MDN1: variants seen among roughly 807,000 people sequenced by gnomAD.
The protein encoded by MDN1 is midasin.
Under a neutral mutation model 669.2 loss-of-function variants are expected in MDN1, and 266 were observed. That is an observed-to-expected ratio of 0.40 (90% CI 0.36 to 0.44). The LOEUF (loss-of-function observed/expected upper bound fraction) is 0.44. MDN1 is among the 20% of genes least tolerant of loss of function. The probability of loss-of-function intolerance (pLI) is 1.00; values close to 1 mark genes in which losing one functional copy is unlikely to be tolerated. For synonymous variants in MDN1, 2,385 were observed against 2,457.1 expected (o/e 0.97, Z 0.87); for missense variants, 5,940 against 6,754.0 (o/e 0.88, Z 4.22).
rs749796260 is a variant in MDN1 at position 89,654,281 on chromosome 6, C to T, written c.15544G>A (p.Glu5182Lys). Reference sequence around the variant, plus strand: ...AGGGTGTCCTCTATCTCCTCCTCTTCCTGATCTTTGCCAGAGTCTTTTGCA... The same window carrying T: ...AGGGTGTCCTCTATCTCCTCCTCTTTCTGATCTTTGCCAGAGTCTTTTGCA... ...QSAKDSGKDQ[E>K]EEEIEDTLMD... The change falls in exon 93 of 102, where the codon GAA (glutamate) becomes AAA (lysine). Residue 5182 changes from glutamate (E) to lysine (K), a missense_variant. Transcript: ENST00000369393. The T allele has an allele frequency of 1.1e-5, 17 of 1,614,114 alleles. No homozygotes were observed. The African/African-American group carries it at 1.5e-4, about 14-fold the overall frequency.
intron 2 of MDN1, among the ~76,000 whole-genome samples, chr6:89,796,003 A>G (rs1056506832): frequency 7.9e-5 from 12 of 151,860 alleles, no homozygotes; most frequent in African/African-American, 2.9e-4. Flanking sequence ...TATATAACCA[A>G]TGCCATGGAA....
At position 89,780,888 on chromosome 6, in the gene MDN1, A is replaced by G. The variant is rs1436606756; in HGVS notation, c.1643+511T>C. On this transcript the variant is annotated intron_variant, in intron 10 of 101. Coordinates refer to ENST00000369393, the MANE Select transcript of MDN1 (RefSeq NM_014611.3). ...ATGGTCTCGAACTCCTGATCTCATG[A>G]TCCGCCCACCTCGGCCTCCCAAAGT... Among the ~76,000 whole-genome samples the G allele has an allele frequency of 2.0e-5, 3 of 150,986 alleles. No homozygotes were observed. In the East Asian group the frequency reaches 5.9e-4, roughly 30 times the overall value.
At position 89,687,189 on chromosome 6, in the gene MDN1, A is replaced by C. The variant is rs139052648; in HGVS notation, c.11450+155T>G. ...ATATGCTGTTGTCTGGACTGTATTCAGGTCATTTTAATGCCCTACTTTTAA... is the reference window on the plus strand; with the variant it reads ...ATATGCTGTTGTCTGGACTGTATTCCGGTCATTTTAATGCCCTACTTTTAA... On this transcript the variant is annotated intron_variant, in intron 68 of 101. Transcript: ENST00000369393. 2.1e-4 allele frequency among the ~76,000 whole-genome samples: 32 copies of C among 152,282 alleles called. 1 individual carries two copies. In the East Asian group the frequency reaches 6.2e-3, roughly 29 times the overall value.
chr6:89,731,321 C>T (rs1258264267), intron 34 of MDN1, among the ~76,000 whole-genome samples: 4 of 152,120 alleles, frequency 2.6e-5, no homozygotes, highest in African/African-American at 9.7e-5. Context: ...TAAACATTGG[C>T]CAGTGCTTCT....
chr6:89,649,849 C>A (rs1347138715), intron 97 of MDN1, among the ~76,000 whole-genome samples, 175 bp downstream of exon 97: 1 of 152,146 alleles, frequency 6.6e-6, no homozygotes, highest in Non-Finnish European at 1.5e-5. Flanking sequence ...AATCTTAGGT[C>A]TTATCAAAGA....
At chr6:89,687,965 T>G (rs999234844) in intron 67 of MDN1, 113 bp downstream of exon 67, 17 of 971,518 alleles carry the variant, frequency 1.7e-5, no homozygotes, top group Middle Eastern at 2.5e-4. Flanking sequence ...CCAAGGATGT[T>G]TACCTTTTTC....
At chr6:89,663,529 T>C (rs1001137799) in intron 85 of MDN1, among the ~76,000 whole-genome samples, 9 of 152,178 alleles carry the variant, frequency 5.9e-5, no homozygotes, top group Non-Finnish European at 1.0e-4. Flanking sequence ...GGACAGAAAT[T>C]TGGGGCAAGG....
At chr6:89,807,269 TAC>T (rs1768083715) in intron 1 of MDN1, among the ~76,000 whole-genome samples, 1 of 152,120 alleles carries the variant, frequency 6.6e-6, no homozygotes, top group Admixed American at 6.6e-5. Context: ...GTATTTTTAC[TAC>T]AGTCAGGGTT....
chr6:89,742,863 G>T (rs1816364633), intron 31 of MDN1, among the ~76,000 whole-genome samples: 1 of 152,070 alleles, frequency 6.6e-6, no homozygotes, highest in Non-Finnish European at 1.5e-5. Flanking sequence ...AAAAAACCTA[G>T]AAATTTAGGA....
At chr6:89,778,430 G>A (rs937484129) in intron 11 of MDN1, among the ~76,000 whole-genome samples, 1 of 151,846 alleles carries the variant, frequency 6.6e-6, no homozygotes, top group Non-Finnish European at 1.5e-5. Flanking sequence ...TCAGTAATAA[G>A]CAGGAAAACT....
intron 19 of MDN1, 98 bp from the exon 20 acceptor site, chr6:89,756,488 T>A: frequency 1.7e-6 from 1 of 596,418 alleles, no homozygotes; most frequent in South Asian, 2.4e-5. Flanking sequence ...CAGCTCATTT[T>A]AACTGCTTGT....
rs975138526 is a variant in MDN1, at chr6:89,710,784, T to C, written c.7662A>G (p.Gln2554=). ...ATGCAGCACTGGCTTCCAAATGAAT[T>C]TGTATGGACTCTGTGGAGGAAGGAG... ...KNIPQGLESI[Q]IHLEASAASL... The change falls in exon 50 of 102, where the codon CAA becomes CAG. Residue 2554 remains glutamine, a synonymous_variant. Transcript: ENST00000369393. The C allele has an allele frequency of 5.6e-6, 9 of 1,595,714 alleles. No homozygotes were observed. The African/African-American group carries it at 9.5e-5, about 17-fold the overall frequency.
At chr6:89,774,396 T>C (rs1290309028) in intron 13 of MDN1, among the ~76,000 whole-genome samples, 1 of 152,246 alleles carries the variant, frequency 6.6e-6, no homozygotes, top group Admixed American at 6.5e-5. Flanking sequence ...CAATAATTCA[T>C]CTTTGGTAGT....
chr6:89,675,321 A>C (rs1811107266), intron 78 of MDN1, 143 bp downstream of exon 78: 1 of 670,250 alleles, frequency 1.5e-6, no homozygotes, highest in Non-Finnish European at 2.5e-6. Flanking sequence ...AGCTGGGAGA[A>C]ACCCTACCTG....
intron 2 of MDN1, among the ~76,000 whole-genome samples, chr6:89,801,425 G>A (rs1767652160): frequency 6.6e-6 from 1 of 152,120 alleles, no homozygotes; most frequent in Non-Finnish European, 1.5e-5. Context: ...GGTCGAGGTA[G>A]GCAGATCACG....
Position 89,819,591 on chromosome 6 carries a change from A to G in MDN1, c.17T>C (p.Leu6Pro). The G allele has an allele frequency of 6.2e-7, 1 of 1,601,908 alleles. No homozygotes were observed. Among genetic ancestry groups the G allele is most frequent in the Non-Finnish European group, 8.5e-7 (1 of 1,179,936 alleles). The stretch of plus-strand genomic sequence containing the variant: ...CCGCAGCGGCGCGGCTGCCACCTCC[A>G]GCAAGAAGTGCTCCATGACCCAGGG... MEHFL[L>P]EVAAAPLRLI... Residue 6 changes from leucine to proline, a missense_variant, in exon 1 of 102, where the codon CTG becomes CCG. By Grantham distance (98) the Leu-to-Pro change is moderately conservative (BLOSUM62 -3). Transcript: ENST00000369393.
intron 83 of MDN1, among the ~76,000 whole-genome samples, chr6:89,669,077 A>G (rs537852072): frequency 9.6e-4 from 146 of 152,392 alleles, no homozygotes; most frequent in Middle Eastern, 6.8e-3. Context: ...TTACCAGAGT[A>G]TATCATTGCA....
chr6:89,809,637 A>C (rs1768247335), intron 1 of MDN1, among the ~76,000 whole-genome samples: 1 of 151,814 alleles, frequency 6.6e-6, no homozygotes, highest in Non-Finnish European at 1.5e-5. Flanking sequence ...TTAGCCGGGC[A>C]TTATGGCATA....
chr6:89,791,302 C>A (rs551632422), intron 5 of MDN1, among the ~76,000 whole-genome samples: 2 of 152,224 alleles, frequency 1.3e-5, no homozygotes, highest in African/African-American at 4.8e-5. Flanking sequence ...ATACACAATA[C>A]ATTTAGAAGA....
Sources: gnomAD v4.1 joint callset for allele counts (sites outside exome capture counted in the v4.1 genomes callset) on GRCh38, gnomAD v4.1.1 for gene constraint, MANE v1.5 for transcripts, NCBI Gene and HGNC (gene_info 2026-07-23, HGNC 2026-07-21) for gene names.